POFUT4: variants seen among roughly 807,000 people sequenced by gnomAD.
The protein encoded by POFUT4 is protein O-fucosyltransferase 4.
the POFUT4 span, chr10:73,773,819 A>G: frequency 2.6e-6 from 4 of 1,562,644 alleles, no homozygotes; most frequent in Non-Finnish European, 3.5e-6. Context: ...ATGACAGGTA[A>G]GAGTGCTGGG....
chr10:73,772,304 G>A, the POFUT4 span: 8 of 1,408,662 alleles, frequency 5.7e-6, no homozygotes, highest in Admixed American at 3.3e-5. Context: ...GTCGGTGCTG[G>A]CCGAGGGGGC....
chr10:73,772,591 C>T, the POFUT4 span: 19 of 1,578,208 alleles, frequency 1.2e-5, no homozygotes, highest in Non-Finnish European at 1.4e-5. Context: ...CAGGGCTATT[C>T]CCCCACTTCC....
chr10:73,779,966 T>C, the POFUT4 span: 22 of 152,368 alleles, frequency 1.4e-4, no homozygotes, highest in Admixed American at 4.6e-4. Context: ...AACCAGGTAT[T>C]ACATTTCCAC....
At chr10:73,772,475 C>A in the POFUT4 span, 1 of 1,548,686 alleles carries the variant, frequency 6.5e-7, no homozygotes. Flanking sequence ...CGCGGTTTTC[C>A]GGCCGCCCTC....
the POFUT4 span, chr10:73,774,045 TG>T: frequency 1.9e-6 from 1 of 529,076 alleles, no homozygotes; most frequent in East Asian, 3.1e-5. Flanking sequence ...ATGTGAACAA[TG>T]TTTCCAGTAG....
the POFUT4 span, chr10:73,772,659 G>C: frequency 6.4e-7 from 1 of 1,556,076 alleles, no homozygotes; most frequent in East Asian, 2.4e-5. Context: ...TCCCGGAACC[G>C]CCGAGCGCTG....
the POFUT4 span, chr10:73,772,500 TG>T: frequency 6.4e-7 from 1 of 1,559,304 alleles, no homozygotes; most frequent in Non-Finnish European, 8.7e-7. Context: ...CTGGGCGCAG[TG>T]GGGGTGACGC....
At chr10:73,772,296 C>G in the POFUT4 span, 2 of 1,383,200 alleles carry the variant, frequency 1.4e-6, no homozygotes. Context: ...TGGGCGGGGT[C>G]GGTGCTGGCC....
At chr10:73,779,687 T>C in the POFUT4 span, 1 of 152,074 alleles carries the variant, frequency 6.6e-6, no homozygotes, top group Non-Finnish European at 1.5e-5. Context: ...AGTGCATAAT[T>C]ATTACACAAG....
At chr10:73,772,836 C>T in the POFUT4 span, 1 of 1,612,344 alleles carries the variant, frequency 6.2e-7, no homozygotes, top group Non-Finnish European at 8.5e-7. Context: ...TTCAATCTTA[C>T]CTCCACCTTC....
the POFUT4 span, chr10:73,772,483 C>T: frequency 6.4e-7 from 1 of 1,551,622 alleles, no homozygotes; most frequent in South Asian, 1.2e-5. Flanking sequence ...TCCGGCCGCC[C>T]TCGGCGCTGG....
At chr10:73,772,558 G>C in the POFUT4 span, 5 of 1,580,290 alleles carry the variant, frequency 3.2e-6, no homozygotes, top group East Asian at 1.2e-4. Flanking sequence ...CGGGGGACTT[G>C]CCGGTACTGC....
the POFUT4 span, chr10:73,773,368 C>G: frequency 6.2e-7 from 1 of 1,614,200 alleles, no homozygotes; most frequent in Non-Finnish European, 8.5e-7. Flanking sequence ...CTGTGGCGTC[C>G]CATGCACCTG....
chr10:73,777,970 G>T, the POFUT4 span, among the ~76,000 whole-genome samples: 1 of 150,422 alleles, frequency 6.6e-6, no homozygotes, highest in Non-Finnish European at 1.5e-5. Flanking sequence ...AGCAATTCTC[G>T]TGTCTCAGCC....
chr10:73,773,243 A>G, the POFUT4 span: 6 of 1,613,778 alleles, frequency 3.7e-6, no homozygotes, highest in Non-Finnish European at 5.1e-6. Flanking sequence ...CCGCGCGGCT[A>G]CAGGACACAG....
the POFUT4 span, chr10:73,773,350 CAGAA>C: frequency 6.2e-7 from 1 of 1,614,174 alleles, no homozygotes; most frequent in Non-Finnish European, 8.5e-7. Context: ...GACTACATGA[CAGAA>C]AAACTGTGGC....
At chr10:73,772,459 G>C in the POFUT4 span, 1 of 1,555,938 alleles carries the variant, frequency 6.4e-7, no homozygotes, top group Non-Finnish European at 8.7e-7. Flanking sequence ...CGGAACCGTG[G>C]GATGGCGCGG....
the POFUT4 span, chr10:73,772,660 C>G: frequency 6.4e-7 from 1 of 1,556,908 alleles, no homozygotes; most frequent in Non-Finnish European, 8.7e-7. Context: ...CCCGGAACCG[C>G]CGAGCGCTGA....
At chr10:73,775,595 T>A in the POFUT4 span, 1 of 1,614,154 alleles carries the variant, frequency 6.2e-7, no homozygotes, top group Non-Finnish European at 8.5e-7. Flanking sequence ...AGGGGGAAGC[T>A]CTCACTGCCA....
Sources: gnomAD v4.1 joint callset for allele counts (sites outside exome capture counted in the v4.1 genomes callset) on GRCh38, gnomAD v4.1.1 for gene constraint, MANE v1.5 for transcripts, NCBI Gene and HGNC (gene_info 2026-07-23, HGNC 2026-07-21) for gene names.